SHANK2: variants seen among roughly 807,000 people sequenced by gnomAD.
SHANK2 encodes the protein SH3 and multiple ankyrin repeat domains protein 2.
A neutral mutation model predicts 133.7 loss-of-function variants in SHANK2; 43 were observed. That is an observed-to-expected ratio of 0.32 (90% CI 0.25 to 0.41). SHANK2 has a LOEUF of 0.41. SHANK2 is among the 10% of genes least tolerant of loss of function. SHANK2 has a pLI of 1.00. For synonymous variants in SHANK2, 1,017 were observed against 952.8 expected (o/e 1.07, Z -1.24); for missense variants, 1,994 against 2,235.8 (o/e 0.89, Z 2.18).
rs144183949 is a variant in SHANK2 at position 70,940,587 on chromosome 11, C to T, written c.1108-44020G>A. 5.4e-3 allele frequency among the ~76,000 whole-genome samples: 828 copies of T among 152,126 alleles called. 6 individuals are homozygous for T. Among genetic ancestry groups the T allele is most frequent in the African/African-American group, 0.019 (788 of 41,498 alleles). On this transcript the variant is annotated intron_variant, in intron 10 of 25. Coordinates refer to ENST00000601538, the MANE Select transcript of SHANK2 (RefSeq NM_012309.5). ...GCAGGCCCAGGACACAAAGGCATCT[C>T]TCCCATTACCCAGTGCCCCTCCTCC...
In SHANK2 at chr11:70,501,898, T is replaced by C. The variant is rs1336982918; in HGVS notation, c.2287+25A>G. 27 of 1,558,630 alleles carry C rather than the reference T, an allele frequency of 1.7e-5. No individual in the cohort carries two copies. In the East Asian group the frequency reaches 4.1e-4, roughly 24 times the overall value. The stretch of plus-strand genomic sequence containing the variant: ...GCCCTAGACAGCAGGGGGAGCTGCT[T>C]TGGGGACCCAGTGGGGCTGCTTACC... On this transcript the variant is annotated intron_variant, in intron 20 of 25. Transcript: ENST00000601538.
At chr11:70,504,550 G>C (rs1208685953) in intron 17 of SHANK2, among the ~76,000 whole-genome samples, 1 of 152,186 alleles carries the variant, frequency 6.6e-6, no homozygotes, top group Admixed American at 6.5e-5. Flanking sequence ...CCCGGTTTCA[G>C]CAGTGAGTAT....
intron 15 of SHANK2, among the ~76,000 whole-genome samples, chr11:70,665,097 T>C (rs1555014550): frequency 6.6e-6 from 1 of 152,104 alleles, no homozygotes; most frequent in East Asian, 1.9e-4. Context: ...GATCTCGACA[T>C]CCAGGGCTAA....
At chr11:70,622,948 G>A (rs955837691) in intron 17 of SHANK2, among the ~76,000 whole-genome samples, 20 of 152,136 alleles carry the variant, frequency 1.3e-4, no homozygotes, top group Non-Finnish European at 2.6e-4. Flanking sequence ...AGGCCGAGGC[G>A]GGTGGATCAC....
intron 17 of SHANK2, among the ~76,000 whole-genome samples, chr11:70,654,970 T>C (rs1429989401): frequency 1.3e-5 from 2 of 152,136 alleles, no homozygotes; most frequent in African/African-American, 2.4e-5. Context: ...GGTTTCATCA[T>C]ATTGGCCAGG....
intron 14 of SHANK2, among the ~76,000 whole-genome samples, chr11:70,757,131 A>T (rs117448575): frequency 0.022 from 3,408 of 152,310 alleles, 76 homozygotes; most frequent in Non-Finnish European, 0.029. Flanking sequence ...CCTTTAGTAG[A>T]CAAGTATCTA....
At chr11:70,493,880 T>C (rs1048838908) in intron 21 of SHANK2, among the ~76,000 whole-genome samples, 4 of 152,198 alleles carry the variant, frequency 2.6e-5, no homozygotes, top group Admixed American at 2.6e-4. Flanking sequence ...CATGAGGCTA[T>C]TGTGCAAGTT....
intron 17 of SHANK2, among the ~76,000 whole-genome samples, chr11:70,596,659 G>A (rs1591627951): frequency 6.6e-6 from 1 of 152,318 alleles, no homozygotes; most frequent in East Asian, 1.9e-4. Context: ...ACTGGTGGCT[G>A]CCCCTTCCCT....
At chr11:71,123,247 G>C (rs1952112493) in intron 3 of SHANK2, among the ~76,000 whole-genome samples, 1 of 152,214 alleles carries the variant, frequency 6.6e-6, no homozygotes, top group South Asian at 2.1e-4. Flanking sequence ...GACACTGGCT[G>C]AATGATGTGG....
intron 11 of SHANK2, among the ~76,000 whole-genome samples, chr11:70,861,861 G>A (rs1476895813): frequency 6.6e-6 from 1 of 152,144 alleles, no homozygotes; most frequent in Non-Finnish European, 1.5e-5. Context: ...ATCCAACTGG[G>A]AGGAGAACCA....
intron 14 of SHANK2, among the ~76,000 whole-genome samples, chr11:70,722,508 T>G (rs1946093346): frequency 6.6e-6 from 1 of 152,266 alleles, no homozygotes; most frequent in Non-Finnish European, 1.5e-5. Context: ...CATAGGCGAT[T>G]GTTTTTTCTG....
At chr11:70,947,561 T>C (rs1454470397) in intron 10 of SHANK2, among the ~76,000 whole-genome samples, 1 of 152,138 alleles carries the variant, frequency 6.6e-6, no homozygotes, top group Non-Finnish European at 1.5e-5. Context: ...AGACGGGGTT[T>C]CACCATGTTG....
At chr11:70,921,359 A>C (rs4980657) in intron 10 of SHANK2, among the ~76,000 whole-genome samples, 1 of 152,172 alleles carries the variant, frequency 6.6e-6, no homozygotes. Context: ...CAGACTCAGG[A>C]AAAGGACTGA....
At position 70,853,313 on chromosome 11, in the gene SHANK2, A is replaced by G. The variant is rs187682786; in HGVS notation, c.1175-32631T>C. 3.6e-4 allele frequency among the ~76,000 whole-genome samples: 55 copies of G among 152,344 alleles called. 1 individual carries two copies. The East Asian group carries it at 0.01, about 29-fold the overall frequency. On this transcript the variant is annotated intron_variant, in intron 11 of 25. Coordinates refer to ENST00000601538, the MANE Select transcript of SHANK2 (RefSeq NM_012309.5). ...GCCTCCCACGGGCCCTGGAGCTCAG[A>G]GCACAGCTTCCTGGGAGAGTCCAAG...
intron 17 of SHANK2, among the ~76,000 whole-genome samples, chr11:70,547,566 C>G (rs1419111178): frequency 1.3e-5 from 2 of 152,184 alleles, no homozygotes; most frequent in Non-Finnish European, 2.9e-5. Context: ...TGTCCTATCG[C>G]TTTAACTTCT....
chr11:70,573,925 C>T (rs1243740748), intron 17 of SHANK2, among the ~76,000 whole-genome samples: 2 of 152,248 alleles, frequency 1.3e-5, no homozygotes, highest in Non-Finnish European at 2.9e-5. Flanking sequence ...GTCTTGGGCT[C>T]CACACCCTGC....
intron 9 of SHANK2, among the ~76,000 whole-genome samples, chr11:71,074,358 G>A (rs918613023): frequency 6.6e-6 from 1 of 152,204 alleles, no homozygotes; most frequent in Non-Finnish European, 1.5e-5. Flanking sequence ...GGCACACCCA[G>A]CATGGTTTCA....
In SHANK2 at chr11:70,569,072, C is replaced by T. The variant is rs1274230769; in HGVS notation, c.2062-66141G>A. On this transcript the variant is annotated intron_variant, in intron 17 of 25. Coordinates refer to ENST00000601538, the MANE Select transcript of SHANK2 (RefSeq NM_012309.5). The surrounding 1 kb of genome is among the most constrained non-coding windows in gnomAD (Gnocchi z 5.1). ...TGCAGGCCCCACTCCTGCCGCTGGA[C>T]TTACAGTGAACGGAGCCAGGAAAGC... Among the ~76,000 whole-genome samples, 1 of 152,232 alleles carries T rather than the reference C, an allele frequency of 6.6e-6. No homozygotes were observed. The highest frequency in any genetic ancestry group is 1.5e-5 in the Non-Finnish European group (1 of 68,036).
intron 17 of SHANK2, among the ~76,000 whole-genome samples, chr11:70,637,464 C>G (rs1371433912): frequency 6.6e-6 from 1 of 152,146 alleles, no homozygotes; most frequent in Non-Finnish European, 1.5e-5. Flanking sequence ...CCACGGCCAG[C>G]TCTCCTCCTG....
Sources: allele counts gnomAD v4.1 joint callset (sites outside exome capture counted in the v4.1 genomes callset), GRCh38; gene constraint gnomAD v4.1.1; non-coding constraint Gnocchi (gnomAD v3.1); transcripts MANE v1.5; gene names NCBI Gene and HGNC (gene_info 2026-07-23, HGNC 2026-07-21).